MAMLD1: variants seen among roughly 807,000 people sequenced by gnomAD.
MAMLD1 encodes the protein mastermind like domain containing 1.
A neutral mutation model predicts 45.0 loss-of-function variants in MAMLD1; 14 were observed. The observed-to-expected ratio is 0.31, with a 90% confidence interval of 0.21 to 0.49. The LOEUF (loss-of-function observed/expected upper bound fraction) is 0.49. Ranked by LOEUF, MAMLD1 falls within the 20% of genes least tolerant of loss-of-function variation. The pLI, the probability that MAMLD1 is intolerant of heterozygous loss-of-function variation, is 0.99. For synonymous variants in MAMLD1, 254 were observed against 247.8 expected (o/e 1.02, Z -0.24); for missense variants, 543 against 603.6 (o/e 0.90, Z 1.05).
chrX:150,380,436 A>G (rs2032546068), intron 1 of MAMLD1, among the ~76,000 whole-genome samples: 1 of 108,428 alleles, frequency 9.2e-6, no homozygotes, highest in African/African-American at 3.4e-5. Flanking sequence ...AGCTTTTTTT[A>G]TTTGTGATAT....
chrX:150,503,141 G>A (rs182821517), intron 5 of MAMLD1, 133 bp from the exon 6 acceptor site: 18 of 589,603 alleles, frequency 3.1e-5, no homozygotes, highest in South Asian at 2.1e-4. Flanking sequence ...GTTTGGTTTC[G>A]TTCCACCAAA....
intron 5 of MAMLD1, 93 bp downstream of exon 5, chrX:150,473,895 G>A: frequency 2.1e-6 from 2 of 967,048 alleles, no homozygotes; most frequent in East Asian, 3.1e-5. Context: ...CTCAGAGGGA[G>A]AATTCTTAAT....
chrX:150,369,729 G>C (rs782487336), intron 1 of MAMLD1, among the ~76,000 whole-genome samples: 28 of 112,095 alleles, frequency 2.5e-4, no homozygotes, highest in Non-Finnish European at 4.7e-4. Flanking sequence ...TTGCTGCTTT[G>C]CAGTTATTTA....
At chrX:150,508,849 G>A (rs1445762173) in intron 6 of MAMLD1, among the ~76,000 whole-genome samples, 2 of 112,159 alleles carry the variant, frequency 1.8e-5, no homozygotes, top group Non-Finnish European at 3.8e-5. Flanking sequence ...TTGAGAAGGG[G>A]AGAGAGATGG....
intron 5 of MAMLD1, among the ~76,000 whole-genome samples, chrX:150,489,995 A>G (rs782652812): frequency 1.1e-4 from 12 of 111,902 alleles, no homozygotes; most frequent in Non-Finnish European, 2.1e-4. Context: ...AAAGTCACCT[A>G]CTGGAGGAGT....
rs1023940091 is a variant in MAMLD1, at chrX:150,372,427, C to T, written c.-64+8897C>T. 5.4e-5 allele frequency among the ~76,000 whole-genome samples: 6 copies of T among 111,238 alleles called. No individual in the cohort carries two copies. The East Asian group carries it at 1.7e-3, about 32-fold the overall frequency. On this transcript the variant is annotated intron_variant, in intron 1 of 7. Transcript: ENST00000370401. ...CCTCTGGAAGTTCCAGCACCAGCCT[C>T]GGAATTTTAAGTGGGACAGTAGTTT...
chrX:150,483,097 T>C (rs2036873279), intron 5 of MAMLD1, among the ~76,000 whole-genome samples: 1 of 112,264 alleles, frequency 8.9e-6, no homozygotes, highest in South Asian at 3.7e-4. Context: ...AATAGAGTTC[T>C]GAAAAAGGTT....
intron 1 of MAMLD1, among the ~76,000 whole-genome samples, chrX:150,367,272 G>T (rs1472885407): frequency 9.1e-6 from 1 of 109,676 alleles, no homozygotes; most frequent in Non-Finnish European, 1.9e-5. Context: ...CTGGGGTGGG[G>T]GTGGGGTCTA....
intron 1 of MAMLD1, among the ~76,000 whole-genome samples, chrX:150,382,473 T>A (rs1215223591): frequency 9.0e-6 from 1 of 111,606 alleles, no homozygotes; most frequent in Non-Finnish European, 1.9e-5. Context: ...GACTTGTGCC[T>A]TTCCATATAT....
intron 1 of MAMLD1, among the ~76,000 whole-genome samples, chrX:150,422,956 G>C (rs1173453618): frequency 8.9e-6 from 1 of 111,741 alleles, no homozygotes; most frequent in African/African-American, 3.3e-5. Flanking sequence ...TGTGCACCAT[G>C]GGAGGGGAGG....
intron 3 of MAMLD1, among the ~76,000 whole-genome samples, chrX:150,465,773 G>A (rs1325950867): frequency 8.9e-6 from 1 of 112,604 alleles, no homozygotes; most frequent in Non-Finnish European, 1.9e-5. Context: ...AGGCCTGAAA[G>A]AAGTAGGAGC....
chrX:150,370,791 C>G (rs1311421680), intron 1 of MAMLD1, among the ~76,000 whole-genome samples: 1 of 111,880 alleles, frequency 8.9e-6, no homozygotes, highest in Non-Finnish European at 1.9e-5. Context: ...TTTATAACAT[C>G]CAAAGCAATC....
chrX:150,396,335 T>C (rs1269042010), intron 1 of MAMLD1, among the ~76,000 whole-genome samples: 1 of 109,371 alleles, frequency 9.1e-6, no homozygotes, highest in Non-Finnish European at 1.9e-5. Flanking sequence ...AAGCTATAAA[T>C]TTCTTCTTTA....
At chrX:150,430,019 CTTT>C (rs1174092962) in intron 1 of MAMLD1, among the ~76,000 whole-genome samples, 34 of 49,226 alleles carry the variant, frequency 6.9e-4, no homozygotes, top group Non-Finnish European at 1.0e-3. Context: ...TCTTTCTTTT[CTTT>C]TTTTTTTTTT....
At chrX:150,466,693 G>T (rs965690855) in intron 3 of MAMLD1, among the ~76,000 whole-genome samples, 8 of 112,092 alleles carry the variant, frequency 7.1e-5, no homozygotes, top group Middle Eastern at 4.6e-3. Flanking sequence ...AATTGATCAG[G>T]GACCATTTGC....
intron 1 of MAMLD1, among the ~76,000 whole-genome samples, chrX:150,402,902 T>A (rs1557402504): frequency 5.9e-4 from 65 of 109,803 alleles, no homozygotes; most frequent in African/African-American, 2.1e-3. Context: ...AAGGGGAACA[T>A]CACACTCTGG....
At chrX:150,395,841 A>T (rs2124503902) in intron 1 of MAMLD1, among the ~76,000 whole-genome samples, 1 of 110,470 alleles carries the variant, frequency 9.1e-6, no homozygotes, top group African/African-American at 3.3e-5. Context: ...CTTTGTCCAG[A>T]GGCTTATCAA....
intron 4 of MAMLD1, 134 bp from the exon 5 acceptor site, chrX:150,473,546 G>A (rs2036491886): frequency 1.2e-5 from 7 of 591,031 alleles, no homozygotes; most frequent in Admixed American, 2.3e-5. Context: ...TAGACCATGC[G>A]GCAAGCAGAG....
chrX:150,383,786 G>A (rs782114044), intron 1 of MAMLD1, among the ~76,000 whole-genome samples: 1 of 111,372 alleles, frequency 9.0e-6, no homozygotes, highest in African/African-American at 3.3e-5. Context: ...CAAGCCCTTA[G>A]TAACTATTAA....
Sources: gnomAD v4.1 joint callset for allele counts (sites outside exome capture counted in the v4.1 genomes callset) on GRCh38, gnomAD v4.1.1 for gene constraint, MANE v1.5 for transcripts, NCBI Gene and HGNC (gene_info 2026-07-23, HGNC 2026-07-21) for gene names.